RGS6: variants seen among roughly 807,000 people sequenced by gnomAD.
The protein encoded by RGS6 is regulator of G protein signaling 6.
RGS6 carries 30 observed loss-of-function variants against 78.5 expected under a neutral mutation model. That is an observed-to-expected ratio of 0.38 (90% confidence interval 0.29 to 0.52). The LOEUF (loss-of-function observed/expected upper bound fraction) is 0.52, where lower values mean the gene tolerates loss of function less well. Ranked by LOEUF, RGS6 falls within the 20% of genes least tolerant of loss-of-function variation. The pLI, the probability that RGS6 is intolerant of heterozygous loss-of-function variation, is 0.85. For synonymous variants in RGS6, 206 were observed against 206.0 expected, an observed-to-expected ratio of 1.00 and a Z score of 0.00; for missense variants, 495 against 609.7, an observed-to-expected ratio of 0.81 and a Z score of 1.98.
Position 72,053,132 on chromosome 14 carries a change from T to TTCCTTCCTTCCTTCCTTC in RGS6, c.84+88257_84+88258insTCCTTCCTTCCTTCCTTC, listed in dbSNP as rs1404647087. Among the ~76,000 whole-genome samples, 363 of 88,340 alleles carry TTCCTTCCTTCCTTCCTTC rather than the reference T, an allele frequency of 4.1e-3. 9 individuals are homozygous for TTCCTTCCTTCCTTCCTTC. Among genetic ancestry groups the TTCCTTCCTTCCTTCCTTC allele is most frequent in the Middle Eastern group, 0.016 (3 of 190 alleles). 58.0% of individuals were successfully genotyped at this position (88,340 alleles called of 152,430 possible). The stretch of plus-strand genomic sequence containing the variant: ...TCCTTCCTTCCTTCCTTCCTTCCTT[T>TTCCTTCCTTCCTTCCTTC]CTTTTTTTGATGGAGTCTCGCTCTG... On this transcript the variant is annotated intron_variant, in intron 2 of 17. Coordinates refer to ENST00000553525, the MANE Select transcript of RGS6 (RefSeq NM_001204424.2).
chr14:72,441,766 C>T (rs1350355314), intron 3 of RGS6, among the ~76,000 whole-genome samples: 3 of 152,240 alleles, frequency 2.0e-5, no homozygotes, highest in Non-Finnish European at 4.4e-5. Flanking sequence ...AAGCAGCTGG[C>T]TGTCCCCTGA....
At chr14:72,410,119 C>G (rs184990082) in intron 3 of RGS6, among the ~76,000 whole-genome samples, 333 of 152,270 alleles carry the variant, frequency 2.2e-3, no homozygotes, top group Non-Finnish European at 3.7e-3. Flanking sequence ...TCTAGTTCTA[C>G]ATCCCTGAGG....
At chr14:72,423,625 C>G (rs1406410038) in intron 3 of RGS6, among the ~76,000 whole-genome samples, 1 of 151,140 alleles carries the variant, frequency 6.6e-6, no homozygotes, top group African/African-American at 2.4e-5. Context: ...AACATTGGGT[C>G]CTCATGGACA....
chr14:72,498,270 C>T (rs2096671158), intron 13 of RGS6, among the ~76,000 whole-genome samples: 1 of 152,114 alleles, frequency 6.6e-6, no homozygotes, highest in Non-Finnish European at 1.5e-5. Context: ...TTTCATATCT[C>T]CTCTCTATTT....
chr14:72,375,865 A>G (rs2084579467), intron 3 of RGS6, among the ~76,000 whole-genome samples: 1 of 152,206 alleles, frequency 6.6e-6, no homozygotes, highest in African/African-American at 2.4e-5. Flanking sequence ...ACATAAATGA[A>G]TAAATCTTTT....
chr14:71,959,987 C>T (rs1245953329), intron 1 of RGS6, among the ~76,000 whole-genome samples: 1 of 152,160 alleles, frequency 6.6e-6, no homozygotes, highest in Non-Finnish European at 1.5e-5. Context: ...GACTTCAAAG[C>T]CCTTCCTTTT....
chr14:72,058,507 G>GT (rs756553187), intron 2 of RGS6, among the ~76,000 whole-genome samples: 2,023 of 144,692 alleles, frequency 0.014, 24 homozygotes, highest in African/African-American at 0.018. Context: ...TATATAAAGG[G>GT]TTTTTTTTTT....
At chr14:71,969,655 A>T (rs1158061699) in intron 2 of RGS6, among the ~76,000 whole-genome samples, 2 of 152,208 alleles carry the variant, frequency 1.3e-5, no homozygotes, top group Admixed American at 1.3e-4. Flanking sequence ...ATTGTGAGAT[A>T]CTTCTAACAC....
intron 3 of RGS6, among the ~76,000 whole-genome samples, chr14:72,423,404 G>A (rs2094292473): frequency 6.6e-6 from 1 of 152,032 alleles, no homozygotes; most frequent in Non-Finnish European, 1.5e-5. Flanking sequence ...AGATGAGATG[G>A]AAATAATTGT....
intron 2 of RGS6, among the ~76,000 whole-genome samples, chr14:72,264,920 G>T (rs564276371): frequency 6.6e-6 from 1 of 152,192 alleles, no homozygotes; most frequent in South Asian, 2.1e-4. Context: ...TCGGTACCAC[G>T]TTCTGGTGCT....
intron 2 of RGS6, among the ~76,000 whole-genome samples, chr14:72,333,635 G>T (rs1239164219): frequency 6.6e-6 from 1 of 152,164 alleles, no homozygotes; most frequent in East Asian, 1.9e-4. Context: ...TTCTTCAGCT[G>T]GTGTTTTGGG....
chr14:72,540,418 C>G (rs2097308846), intron 17 of RGS6: 1 of 1,467,244 alleles, frequency 6.8e-7, no homozygotes. Flanking sequence ...GTTTGTGCAT[C>G]TTCTGCAGCA....
intron 3 of RGS6, among the ~76,000 whole-genome samples, chr14:72,437,692 T>C (rs2094996751): frequency 6.6e-6 from 1 of 152,222 alleles, no homozygotes; most frequent in Non-Finnish European, 1.5e-5. Flanking sequence ...AGACCGTTTC[T>C]CTTGGTCTGA....
At chr14:72,143,361 A>G (rs1464882382) in intron 2 of RGS6, among the ~76,000 whole-genome samples, 2 of 152,168 alleles carry the variant, frequency 1.3e-5, no homozygotes, top group Non-Finnish European at 2.9e-5. Context: ...CAACAGAGTG[A>G]GACTCCATCT....
intron 2 of RGS6, among the ~76,000 whole-genome samples, chr14:72,262,129 C>G (rs1295930291): frequency 6.6e-6 from 1 of 152,044 alleles, no homozygotes; most frequent in Non-Finnish European, 1.5e-5. Flanking sequence ...TCAGCCTCAT[C>G]ATAGCTGTTC....
At chr14:72,015,953 T>C (rs144826408) in intron 2 of RGS6, among the ~76,000 whole-genome samples, 1 of 152,314 alleles carries the variant, frequency 6.6e-6, no homozygotes, top group Non-Finnish European at 1.5e-5. Context: ...TATAATCTAG[T>C]ATTCTTTGTC....
intron 1 of RGS6, 80 bp downstream of exon 1, chr14:71,933,021 C>A (rs754292942): frequency 3.9e-5 from 6 of 152,282 alleles, no homozygotes; most frequent in Non-Finnish European, 8.8e-5. Flanking sequence ...TCCCTCCCCA[C>A]CCCATTAATA....
the RGS6 span, among the ~76,000 whole-genome samples, chr14:71,918,569 GCAAA>G: frequency 4.6e-5 from 7 of 152,326 alleles, no homozygotes; most frequent in South Asian, 8.3e-4. Flanking sequence ...GGAAAGAGAT[GCAAA>G]CAGAGATGTA....
At chr14:72,198,647 A>C (rs1022304589) in intron 2 of RGS6, among the ~76,000 whole-genome samples, 1 of 152,216 alleles carries the variant, frequency 6.6e-6, no homozygotes, top group Non-Finnish European at 1.5e-5. Context: ...AAGGACCTTG[A>C]AGTTCAGCTT....
Sources: gnomAD v4.1 joint callset for allele counts (sites outside exome capture counted in the v4.1 genomes callset) on GRCh38, gnomAD v4.1.1 for gene constraint, MANE v1.5 for transcripts, NCBI Gene and HGNC (gene_info 2026-07-23, HGNC 2026-07-21) for gene names.